FRRS1: variants seen among roughly 807,000 people sequenced by gnomAD.
FRRS1 encodes ferric chelate reductase 1.
A neutral mutation model predicts 70.7 loss-of-function variants in FRRS1; 51 were observed. The observed-to-expected ratio is 0.72, with a 90% CI of 0.58 to 0.91. The LOEUF is 0.91. Ranked by LOEUF, FRRS1 falls within the 40% of genes least tolerant of loss-of-function variation. FRRS1 has a pLI of 0.00. For missense variants in FRRS1, 672 were observed against 726.0 expected (o/e 0.93, Z 0.86); for synonymous variants, 225 against 238.7 (o/e 0.94, Z 0.53).
intron 7 of FRRS1, among the ~76,000 whole-genome samples, chr1:99,732,749 CA>C (rs1411461087): frequency 6.6e-6 from 1 of 151,938 alleles, no homozygotes; most frequent in African/African-American, 2.4e-5. Flanking sequence ...TATTGAGCAC[CA>C]TGCTTTAAGA....
chr1:99,739,094 C>T (rs1655824504), intron 6 of FRRS1, among the ~76,000 whole-genome samples: 1 of 152,138 alleles, frequency 6.6e-6, no homozygotes, highest in Non-Finnish European at 1.5e-5. Context: ...AATTAAGAAA[C>T]TTGGACTTTG....
intron 4 of FRRS1, 37 bp from the exon 5 acceptor site, chr1:99,742,310 T>G: frequency 8.1e-7 from 1 of 1,232,052 alleles, no homozygotes; most frequent in Non-Finnish European, 1.2e-6. Context: ...ATTCAGTCAC[T>G]CAATAGCTCA....
intron 1 of FRRS1, chr1:99,765,656 C>T (rs1253499701): frequency 1.3e-5 from 2 of 152,024 alleles, no homozygotes; most frequent in Non-Finnish European, 2.9e-5. Flanking sequence ...AATCCCAGCA[C>T]TTTGGGAGGC....
Position 99,706,210 on chromosome 1 carries a change from G to A in FRRS1, c.*2818C>T, listed in dbSNP as rs1428764169. Among the ~76,000 whole-genome samples, 5 of 147,732 alleles carry A rather than the reference G, an allele frequency of 3.4e-5. No homozygotes were observed. The highest frequency in any genetic ancestry group is 1.3e-4 in the African/African-American group (5 of 38,768). ...GAGATCAGCCTGGGCAACAAAGGGA[G>A]ATCCCTTCTCTACCAAAAAAAAAAA... On this transcript the variant is annotated 3_prime_UTR_variant, in exon 17 of 17. Transcript: ENST00000646001.
chr1:99,742,481 G>C (rs1280992638), intron 4 of FRRS1, among the ~76,000 whole-genome samples: 1 of 152,192 alleles, frequency 6.6e-6, no homozygotes, highest in Non-Finnish European at 1.5e-5. Context: ...GAATAAATGA[G>C]AGTCCACAGA....
intron 12 of FRRS1, among the ~76,000 whole-genome samples, chr1:99,713,534 T>G (rs543432302): frequency 1.3e-5 from 2 of 152,330 alleles, no homozygotes; most frequent in African/African-American, 4.8e-5. Context: ...TGACCCAGGA[T>G]TCATCAATCT....
In FRRS1 at chr1:99,742,129, T is replaced by C. The variant is rs908732158; in HGVS notation, c.428+50A>G. The C allele has an allele frequency of 4.3e-6, 5 of 1,150,346 alleles. No homozygotes were observed. In the African/African-American group the frequency reaches 4.6e-5, roughly 10 times the overall value. 71.3% of individuals were successfully genotyped at this position (1,150,346 alleles called of 1,614,324 possible). ...TTGGCATCCCAAAGTGCTGGGATTA[T>C]AGGCATGAGCCACCATGCCTGGCCC... On this transcript the variant is annotated intron_variant, in intron 5 of 16. Coordinates refer to ENST00000646001, the MANE Select transcript of FRRS1 (RefSeq NM_001361041.2).
rs140163477 is a variant in FRRS1 at position 99,741,424 on chromosome 1, T to C, written c.429-484A>G. ...ACATACCAGTGCAGAGTTGTGTTAC[T>C]GTGTGTTGGGGACCCACGCACAAAG... On this transcript the variant is annotated intron_variant, in intron 5 of 16. Transcript: ENST00000646001. Among the ~76,000 whole-genome samples, 372 of 152,360 alleles carry C rather than the reference T, an allele frequency of 2.4e-3. 2 individuals carry two copies. Among genetic ancestry groups the C allele is most frequent in the African/African-American group, 8.7e-3 (363 of 41,582 alleles).
rs1654139591 is a variant in FRRS1 at position 99,708,810 on chromosome 1, C to T, written c.*218G>A. 2 of 818,026 alleles carry T rather than the reference C, an allele frequency of 2.4e-6. No homozygotes were observed. Among genetic ancestry groups the T allele is most frequent in the Non-Finnish European group, 3.9e-6 (2 of 516,796 alleles). 50.7% of individuals were successfully genotyped at this position (818,026 alleles called of 1,614,324 possible). On this transcript the variant is annotated 3_prime_UTR_variant, in exon 17 of 17. Transcript: ENST00000646001. ...GAAGTACAATCTTTCCTTTAAGACC[C>T]AGAATTACATATAGGGCATGACATT...
intron 9 of FRRS1, among the ~76,000 whole-genome samples, chr1:99,728,244 T>C (rs918442307): frequency 2.0e-5 from 3 of 152,000 alleles, no homozygotes. Flanking sequence ...TCTGGTCACA[T>C]GCATTTTACT....
chr1:99,706,831 G>A lies in FRRS1; in HGVS notation c.*2197C>T, dbSNP rs1202765278. On this transcript the variant is annotated 3_prime_UTR_variant, in exon 17 of 17. Coordinates refer to ENST00000646001, the MANE Select transcript of FRRS1 (RefSeq NM_001361041.2). ...CGCTTGAACCCAGGAGGTGGAGGCT[G>A]CAGTGAGCCAACATTGCACCACTGC... 1.3e-5 allele frequency among the ~76,000 whole-genome samples: 2 copies of A among 151,806 alleles called. No homozygotes were observed. The highest frequency in any genetic ancestry group is 4.8e-5 in the African/African-American group (2 of 41,260).
intron 4 of FRRS1, among the ~76,000 whole-genome samples, chr1:99,744,361 G>A (rs1024041946): frequency 1.3e-5 from 2 of 152,162 alleles, no homozygotes; most frequent in African/African-American, 4.8e-5. Context: ...TAAAAGTTTG[G>A]CTTTTAAAAT....
intron 5 of FRRS1, among the ~76,000 whole-genome samples, chr1:99,741,609 G>A (rs1027154373): frequency 5.3e-5 from 8 of 152,198 alleles, no homozygotes; most frequent in Non-Finnish European, 1.0e-4. Flanking sequence ...CATAATTTGA[G>A]AGGCATGCAG....
chr1:99,730,591 G>GGT (rs1328785793), intron 7 of FRRS1, among the ~76,000 whole-genome samples: 5 of 152,126 alleles, frequency 3.3e-5, no homozygotes, highest in Non-Finnish European at 7.4e-5. Flanking sequence ...AAGCGGGCCG[G>GGT]GCGAGGTGGC....
Position 99,738,281 on chromosome 1 carries a change from C to T in FRRS1, c.577-13G>A, listed in dbSNP as rs766006320. On this transcript the variant is annotated splice_polypyrimidine_tract_variant and intron_variant, in intron 6 of 16. Transcript: ENST00000646001. ...CTGAGGCACTGAACTAGAAAAATGA[C>T]AGAGGAAAAAAAAATCTTAATTATC... 4.5e-6 allele frequency: 7 copies of T among 1,547,216 alleles called. No individual in the cohort carries two copies. Among genetic ancestry groups the T allele is most frequent in the Non-Finnish European group, 6.1e-6 (7 of 1,148,466 alleles).
chr1:99,725,533 G>A (rs1655044792), intron 9 of FRRS1, among the ~76,000 whole-genome samples: 1 of 152,074 alleles, frequency 6.6e-6, no homozygotes, highest in African/African-American at 2.4e-5. Flanking sequence ...TCTGAGATGG[G>A]GTTCAGGAAT....
At chr1:99,733,583 G>A (rs2105181) in intron 7 of FRRS1, among the ~76,000 whole-genome samples, 75,159 of 152,078 alleles carry the variant, frequency 0.49, 22,584 homozygotes, top group African/African-American at 0.85. Flanking sequence ...ATTGGCGTCA[G>A]TATGACCCTG....
intron 4 of FRRS1, among the ~76,000 whole-genome samples, chr1:99,744,377 G>A (rs1656132063): frequency 6.6e-6 from 1 of 152,176 alleles, no homozygotes; most frequent in Admixed American, 6.5e-5. Context: ...AAAATGTCAA[G>A]ATAACAAGAG....
intron 1 of FRRS1, among the ~76,000 whole-genome samples, chr1:99,753,112 C>A (rs1309032671): frequency 3.3e-5 from 5 of 151,292 alleles, no homozygotes; most frequent in Non-Finnish European, 2.9e-5. Flanking sequence ...ACTTAAGAGG[C>A]TGAGGCAGGA....
Sources: gnomAD v4.1 joint callset for allele counts (sites outside exome capture counted in the v4.1 genomes callset) on GRCh38, gnomAD v4.1.1 for gene constraint, MANE v1.5 for transcripts, NCBI Gene and HGNC (gene_info 2026-07-23, HGNC 2026-07-21) for gene names.